Variants in TLN2 observed in about 807,000 individuals in gnomAD.
The protein encoded by TLN2 is talin 2.
A neutral mutation model predicts 294.7 loss-of-function variants in TLN2; 118 were observed. The ratio of observed to expected loss-of-function variants is 0.40; its 90% confidence interval spans 0.34 to 0.47. TLN2 has a LOEUF of 0.47. TLN2 is among the 20% of genes least tolerant of loss of function. The pLI, the probability that TLN2 is intolerant of heterozygous loss-of-function variation, is 0.84. For synonymous variants in TLN2, 1,431 were observed against 1,304.5 expected, an observed-to-expected ratio of 1.10 and a Z score of -2.09; for missense variants, 3,083 against 3,282.2, an observed-to-expected ratio of 0.94 and a Z score of 1.48.
chr15:62,464,527 C>A (rs1207133617), intron 1 of TLN2, among the ~76,000 whole-genome samples: 1 of 151,636 alleles, frequency 6.6e-6, no homozygotes, highest in Non-Finnish European at 1.5e-5. Context: ...ACCTATATAT[C>A]AAACCTGCAG....
chr15:62,406,452 C>CG (rs2033410977), intron 1 of TLN2, among the ~76,000 whole-genome samples: 1 of 152,172 alleles, frequency 6.6e-6, no homozygotes, highest in African/African-American at 2.4e-5. Context: ...TTTGGCAGTG[C>CG]AACAGCTCTG....
intron 1 of TLN2, among the ~76,000 whole-genome samples, chr15:62,520,896 G>C (rs2040425151): frequency 6.6e-6 from 1 of 152,142 alleles, no homozygotes; most frequent in South Asian, 2.1e-4. Context: ...ATTTTTGAAA[G>C]GAGTGTGTGT....
intron 11 of TLN2, among the ~76,000 whole-genome samples, chr15:62,675,961 A>G (rs1208355901): frequency 6.6e-6 from 1 of 152,134 alleles, no homozygotes; most frequent in East Asian, 1.9e-4. Flanking sequence ...TTGTTTAACT[A>G]TTAGGTTTCA....
chr15:62,832,882 A>ACT, intron 54 of TLN2: 1 of 152,140 alleles, frequency 6.6e-6, no homozygotes, highest in African/African-American at 2.4e-5. Flanking sequence ...AGGCTCTAGA[A>ACT]GAGAGTAAGT....
intron 45 of TLN2, among the ~76,000 whole-genome samples, chr15:62,788,172 A>G (rs1184740868): frequency 6.6e-6 from 1 of 151,492 alleles, no homozygotes; most frequent in Non-Finnish European, 1.5e-5. Context: ...TTAGCCGGGC[A>G]TGGTGGGGGG....
At chr15:62,425,173 G>A (rs55873057) in intron 1 of TLN2, among the ~76,000 whole-genome samples, 28,053 of 151,912 alleles carry the variant, frequency 0.18, 2,790 homozygotes, top group Non-Finnish European at 0.22. Flanking sequence ...GGCTGGTCTC[G>A]AACTCCTGGC....
chr15:62,473,249 C>T (rs965004011), intron 1 of TLN2, among the ~76,000 whole-genome samples: 7 of 152,152 alleles, frequency 4.6e-5, no homozygotes, highest in Non-Finnish European at 1.0e-4. Flanking sequence ...CTTCACAGCA[C>T]TGGGCTCACT....
At position 62,797,129 on chromosome 15, in the gene TLN2, G is replaced by C. The variant is rs1048746093; in HGVS notation, c.6051-90G>C. 12 of 1,421,196 alleles carry C rather than the reference G, an allele frequency of 8.4e-6. No individual in the cohort carries two copies. The African/African-American group carries it at 1.6e-4, about 18-fold the overall frequency. 88.0% of individuals were successfully genotyped at this position (1,421,196 alleles called of 1,614,324 possible). On this transcript the variant is annotated intron_variant, in intron 47 of 58. Coordinates refer to ENST00000636159, the MANE Select transcript of TLN2 (RefSeq NM_015059.3). ...TCTTCTTCAAAGCCCTTTAACAAAA[G>C]CCCCATGTGAGGGATTTCTTTTCTT... is the stretch of plus-strand genomic sequence containing the variant.
intron 3 of TLN2, among the ~76,000 whole-genome samples, chr15:62,631,508 TTC>T (rs1423126916): frequency 6.7e-6 from 1 of 148,270 alleles, no homozygotes; most frequent in South Asian, 2.2e-4. Context: ...CCTCTTTTCT[TTC>T]TTTCTTTCTT....
At chr15:62,434,330 T>C (rs1454375618) in intron 1 of TLN2, among the ~76,000 whole-genome samples, 1 of 152,238 alleles carries the variant, frequency 6.6e-6, no homozygotes, top group Non-Finnish European at 1.5e-5. Flanking sequence ...TTGTAAGTTA[T>C]ATCCTATTAG....
rs537936007 is a variant in TLN2, at chr15:62,390,977, C to T, written c.-238+292C>T. ...CCGGGCGCAGCGGTTTGCAAACAGC[C>T]TCGCAGTCGGCGCCAGAGAGCGGAT... On this transcript the variant is annotated intron_variant, in intron 1 of 58. Transcript: ENST00000636159. Among the ~76,000 whole-genome samples the T allele has an allele frequency of 7.9e-5, 12 of 152,366 alleles. No homozygotes were observed. In the East Asian group the frequency reaches 1.9e-3, roughly 25 times the overall value.
At chr15:62,642,226 A>G (rs895550395) in intron 3 of TLN2, among the ~76,000 whole-genome samples, 2 of 152,260 alleles carry the variant, frequency 1.3e-5, no homozygotes, top group Non-Finnish European at 2.9e-5. Flanking sequence ...TAAAGAAAAA[A>G]CAAAAACAAC....
chr15:62,687,244 T>A (rs114588755), intron 12 of TLN2, among the ~76,000 whole-genome samples: 122 of 152,346 alleles, frequency 8.0e-4, no homozygotes, highest in African/African-American at 2.9e-3. Context: ...TAGTACACAG[T>A]GGAAATAACG....
In TLN2 at chr15:62,694,355, G is replaced by T; in HGVS notation, c.1255G>T (p.Glu419Ter). The T allele has an allele frequency of 6.2e-7, 1 of 1,614,104 alleles. No individual in the cohort carries two copies. The highest frequency in any genetic ancestry group is 8.5e-7 in the Non-Finnish European group (1 of 1,180,014). The change falls in exon 14 of 59, where the codon GAG (glutamate) becomes TAG (stop). Residue 419 changes from glutamate (E) to a stop codon, truncating the protein, a stop_gained. Transcript: ENST00000636159. LOFTEE classifies it high-confidence loss of function. ...KDRFGLEGDE[E>*]STMLEESVSP... Reference sequence around the variant, plus strand: ...TCGATTTGGACTAGAAGGTGATGAGGAGTCAACCATGTTAGAAGAGTCCGT... The same window carrying T: ...TCGATTTGGACTAGAAGGTGATGAGTAGTCAACCATGTTAGAAGAGTCCGT...
chr15:62,563,998 A>C (rs28404788), intron 1 of TLN2, among the ~76,000 whole-genome samples: 2,123 of 152,260 alleles, frequency 0.014, 48 homozygotes, highest in African/African-American at 0.047. Flanking sequence ...CCAGGCATGC[A>C]CTAACTACTA....
chr15:62,761,340 G>A (rs1017258587), intron 37 of TLN2, among the ~76,000 whole-genome samples: 3 of 152,172 alleles, frequency 2.0e-5, no homozygotes, highest in Non-Finnish European at 4.4e-5. Flanking sequence ...CAAAAGTGAG[G>A]AGGAAAGTAG....
chr15:62,638,936 G>A (rs910037965), intron 3 of TLN2, among the ~76,000 whole-genome samples: 8 of 152,048 alleles, frequency 5.3e-5, no homozygotes, highest in South Asian at 2.1e-4. Flanking sequence ...TTCCTGGAGC[G>A]GGCTGTTGTT....
intron 9 of TLN2, among the ~76,000 whole-genome samples, chr15:62,661,319 G>C (rs190943217): frequency 4.6e-5 from 7 of 152,144 alleles, no homozygotes; most frequent in Non-Finnish European, 8.8e-5. Context: ...TTTTTCATAA[G>C]AAAATTGTTG....
intron 1 of TLN2, among the ~76,000 whole-genome samples, chr15:62,585,431 C>A (rs972601902): frequency 5.3e-5 from 8 of 152,126 alleles, no homozygotes; most frequent in African/African-American, 1.9e-4. Context: ...TGAGTATGAT[C>A]ATTTCTGCTC....
Sources: gnomAD v4.1 joint callset for allele counts (sites outside exome capture counted in the v4.1 genomes callset) on GRCh38, gnomAD v4.1.1 for gene constraint, MANE v1.5 for transcripts, NCBI Gene and HGNC (gene_info 2026-07-23, HGNC 2026-07-21) for gene names.